The following NBR1 variants were observed in gnomAD, a reference collection of about 807,000 sequenced individuals.
NBR1 encodes the protein NBR1 autophagy cargo receptor.
A neutral mutation model predicts 115.5 loss-of-function variants in NBR1; 59 were observed. The observed-to-expected ratio is 0.51, with a 90% CI of 0.41 to 0.63. NBR1 has a LOEUF of 0.63. Among genes scored for constraint, NBR1 ranks in the 30% least tolerant of loss-of-function variants. NBR1 has a pLI of 0.00. For synonymous variants in NBR1, 373 were observed against 414.7 expected (o/e 0.90, Z 1.22); for missense variants, 1,043 against 1,150.5 (o/e 0.91, Z 1.35).
intron 18 of NBR1, among the ~76,000 whole-genome samples, chr17:43,202,165 G>A (rs2057214619): frequency 7.5e-6 from 1 of 132,566 alleles, no homozygotes; most frequent in Non-Finnish European, 1.6e-5. Context: ...GGGCAACAGT[G>A]CGAGACTCCG....
rs745864116 is a variant in NBR1 at position 43,190,645 on chromosome 17, A to G, written c.732A>G (p.Glu244=). 1.4e-5 allele frequency: 23 copies of G among 1,605,998 alleles called. No individual in the cohort carries two copies. In the East Asian group the frequency reaches 3.6e-4, roughly 25 times the overall value. ...CCTACAATATCTGTGAAGATTGTGAAGCAGGGCCATATGGCCATGACACTA... is the reference window on the plus strand; with the variant it reads ...CCTACAATATCTGTGAAGATTGTGAGGCAGGGCCATATGGCCATGACACTA... ...CPSYNICEDC[E]AGPYGHDTNH... The change falls in exon 9 of 21, where the codon GAA becomes GAG. Residue 244 remains glutamate, a synonymous_variant. Transcript: ENST00000590996.
At chr17:43,198,717 G>A (rs532290844) in intron 16 of NBR1, among the ~76,000 whole-genome samples, 1 of 151,852 alleles carries the variant, frequency 6.6e-6, no homozygotes, top group Non-Finnish European at 1.5e-5. Context: ...ATCCCAGCAC[G>A]TTGGGAGGCC....
chr17:43,201,735 G>T lies in NBR1; in HGVS notation c.2518G>T (p.Val840Phe), dbSNP rs1429220269. 6.2e-7 allele frequency: 1 copy of T among 1,609,656 alleles called. No homozygotes were observed. The highest frequency in any genetic ancestry group is 2.2e-5 in the East Asian group (1 of 44,866). Residue 840 changes from valine to phenylalanine, a missense_variant, in exon 18 of 21, where the codon GTT becomes TTT. By Grantham distance (50) the Val-to-Phe change is conservative. Transcript: ENST00000590996. ...HHGSPGVDLP[V>F]TIPEVSSVPD... is the part of the protein sequence containing the mutation. ...TGGTTCCCCAGGAGTGGATTTACCA[G>T]TTACCATACCAGAAGTTTCTTCAGT...
intron 13 of NBR1, 168 bp downstream of exon 13, chr17:43,194,667 G>A (rs2057026306): frequency 1.3e-6 from 1 of 778,442 alleles, no homozygotes; most frequent in Non-Finnish European, 2.1e-6. Flanking sequence ...TTGTAAACTA[G>A]ATGTTTCCTC....
At chr17:43,187,866 C>T (rs75154248) in intron 6 of NBR1, among the ~76,000 whole-genome samples, 9 of 140,866 alleles carry the variant, frequency 6.4e-5, no homozygotes, top group Non-Finnish European at 1.1e-4. Flanking sequence ...TATCTCATTG[C>T]GGTTTTGATT....
At position 43,189,718 on chromosome 17, in the gene NBR1, T is replaced by C. The variant is rs113187111; in HGVS notation, c.611T>C (p.Leu204Ser). 8.5e-4 allele frequency: 1,375 copies of C among 1,613,984 alleles called. 17 individuals carry two copies. In the African/African-American group the frequency reaches 0.015, roughly 18 times the overall value. The change falls in exon 8 of 21, where the codon TTG becomes TCG. Residue 204 changes from leucine to serine, a missense_variant. Coordinates refer to ENST00000590996, the MANE Select transcript of NBR1 (RefSeq NM_005899.5). The stretch of plus-strand genomic sequence containing the variant: ...TCAATGCCTACTTCAGAAGAAACAT[T>C]GTTTTTGCCAGAAAACCAGTTCAGC... ...EVSMPTSEET[L>S]FLPENQFSWH...
Position 43,210,048 on chromosome 17 carries a change from A to G in NBR1, c.2875A>G (p.Asn959Asp), listed in dbSNP as rs1406759455. The G allele has an allele frequency of 3.7e-6, 6 of 1,611,364 alleles. No homozygotes were observed. Among genetic ancestry groups the G allele is most frequent in the East Asian group, 2.2e-5 (1 of 44,740 alleles). The change falls in exon 21 of 21, where the codon AAC (asparagine) becomes GAC (aspartate). Residue 959 changes from asparagine to aspartate, a missense_variant. Asn to Asp is a conservative substitution (Grantham distance 23). Coordinates refer to ENST00000590996, the MANE Select transcript of NBR1 (RefSeq NM_005899.5). ...GACAGAACTTCTTCAGTTAAACAAC[A>G]ACGACTGGTACAGCCAACGCTATTG... Reference protein sequence around the residue: ...VVTELLQLNNNDWYSQRY With the variant: ...VVTELLQLNNDDWYSQRY
chr17:43,201,852 T>C (rs2057207005), intron 18 of NBR1, 72 bp downstream of exon 18: 3 of 864,402 alleles, frequency 3.5e-6, no homozygotes, highest in Non-Finnish European at 5.7e-6. Context: ...AAATAGCCTC[T>C]CTCTCTTCGT....
At position 43,193,414 on chromosome 17, in the gene NBR1, C is replaced by G; in HGVS notation, c.1300C>G (p.Leu434Val). ...AAAGAAGGATGTTTTGGTTCCCTGC[C>G]TCAAGGCCGGCCATGTGGGAGTTGT... The part of the protein sequence containing the change: ...TEKKDVLVPC[L>V]KAGHVGVVSV... Residue 434 changes from leucine (L) to valine (V), a missense_variant, in exon 12 of 21, where the codon CTC (leucine) becomes GTC (valine). Transcript: ENST00000590996. The G allele has an allele frequency of 6.2e-7, 1 of 1,613,988 alleles. No individual in the cohort carries two copies. The highest frequency in any genetic ancestry group is 8.5e-7 in the Non-Finnish European group (1 of 1,179,890).
chr17:43,172,289 G>T (rs1237769573), intron 1 of NBR1, among the ~76,000 whole-genome samples: 1 of 152,202 alleles, frequency 6.6e-6, no homozygotes, highest in African/African-American at 2.4e-5. Context: ...GCCAAAGAGA[G>T]TTCCTTATGA....
chr17:43,192,968 A>C, intron 10 of NBR1, 126 bp from the exon 11 acceptor site: 8 of 855,864 alleles, frequency 9.3e-6, no homozygotes, highest in Non-Finnish European at 1.4e-5. Context: ...TAATATCAGT[A>C]TTATTTTTAA....
At chr17:43,180,845 A>T (rs2056645396) in intron 5 of NBR1, 28 bp downstream of exon 5, 1 of 1,389,444 alleles carries the variant, frequency 7.2e-7, no homozygotes, top group Non-Finnish European at 9.4e-7. Context: ...TCATTTTTAA[A>T]TAATTTAAAA....
rs996873972 is a variant in NBR1, at chr17:43,208,539, C to G, written c.2728-1362C>G. Among the ~76,000 whole-genome samples, 9 of 152,238 alleles carry G rather than the reference C, an allele frequency of 5.9e-5. No homozygotes were observed. In the East Asian group the frequency reaches 1.7e-3, roughly 29 times the overall value. On this transcript the variant is annotated intron_variant, in intron 20 of 20. Transcript: ENST00000590996. The stretch of plus-strand genomic sequence containing the variant: ...TAGGAGGTATGATATATCTTCAGTT[C>G]ATAAAGGAATTGATAGCACAGTTGG...
At position 43,175,828 on chromosome 17, in the gene NBR1, C is replaced by G; in HGVS notation, c.29C>G (p.Thr10Ser). 6.2e-7 allele frequency: 1 copy of G among 1,602,936 alleles called. No individual in the cohort carries two copies. The highest frequency in any genetic ancestry group is 1.3e-5 in the African/African-American group (1 of 74,904). Residue 10 changes from threonine to serine, a missense_variant, in exon 2 of 21, where the codon ACT becomes AGT. Transcript: ENST00000590996. Reference sequence around the variant, plus strand: ...GAACCACAGGTTACTCTAAATGTGACTTTTAAAAATGAAATTCAAAGCTTT... The same window carrying G: ...GAACCACAGGTTACTCTAAATGTGAGTTTTAAAAATGAAATTCAAAGCTTT... MEPQVTLNV[T>S]FKNEIQSFLV...
chr17:43,192,992 G>C, intron 10 of NBR1, 102 bp from the exon 11 acceptor site: 1 of 1,163,204 alleles, frequency 8.6e-7, no homozygotes, highest in Non-Finnish European at 1.2e-6. Flanking sequence ...AAATGGGTTA[G>C]CACATTTTCA....
At chr17:43,177,367 T>A (rs377567669) in intron 2 of NBR1, among the ~76,000 whole-genome samples, 9 of 151,226 alleles carry the variant, frequency 6.0e-5, no homozygotes, top group African/African-American at 1.9e-4. Flanking sequence ...TACACTGTTC[T>A]ACAGGATAAA....
chr17:43,182,291 C>A (rs2056690314), intron 5 of NBR1, among the ~76,000 whole-genome samples: 1 of 137,712 alleles, frequency 7.3e-6, no homozygotes, highest in Admixed American at 8.4e-5. Context: ...AATCTTGGCT[C>A]ACTGCAACCT....
Position 43,209,591 on chromosome 17 carries a change from C to G in NBR1, c.2728-310C>G, listed in dbSNP as rs756596863. ...GGCTTGCTGTCATTCCTTCATCTGG[C>G]CAAAAAATGCTTCTTCCTGAAAGCC... On this transcript the variant is annotated intron_variant, in intron 20 of 20. Coordinates refer to ENST00000590996, the MANE Select transcript of NBR1 (RefSeq NM_005899.5). 19 of 1,535,498 alleles carry G rather than the reference C, an allele frequency of 1.2e-5. 1 individual carries two copies. The South Asian group carries it at 2.3e-4, about 18-fold the overall frequency.
chr17:43,176,386 C>G (rs1207592055), intron 2 of NBR1: 1 of 152,468 alleles, frequency 6.6e-6, no homozygotes, highest in Non-Finnish European at 1.5e-5. Flanking sequence ...CAGCAGTTCA[C>G]CTGTTCCGTT....
Sources: gnomAD v4.1 joint callset for allele counts (sites outside exome capture counted in the v4.1 genomes callset) on GRCh38, gnomAD v4.1.1 for gene constraint, MANE v1.5 for transcripts, NCBI Gene and HGNC (gene_info 2026-07-23, HGNC 2026-07-21) for gene names.